Variants in ZDHHC7 observed in about 807,000 individuals in gnomAD.
ZDHHC7 encodes zDHHC palmitoyltransferase 7.
ZDHHC7 carries 12 observed loss-of-function variants against 34.1 expected under a neutral mutation model. The ratio of observed to expected loss-of-function variants is 0.35; its 90% CI spans 0.23 to 0.57. The LOEUF is 0.57. Among genes scored for constraint, ZDHHC7 ranks in the 20% least tolerant of loss-of-function variants. The pLI, the probability that ZDHHC7 is intolerant of heterozygous loss-of-function variation, is 0.84. For synonymous variants in ZDHHC7, 185 were observed against 155.4 expected, an observed-to-expected ratio of 1.19 and a Z score of -1.42; for missense variants, 388 against 402.7, an observed-to-expected ratio of 0.96 and a Z score of 0.31.
intron 6 of ZDHHC7, among the ~76,000 whole-genome samples, chr16:84,977,611 A>G (rs956067400): frequency 3.9e-5 from 6 of 152,188 alleles, no homozygotes; most frequent in Admixed American, 3.3e-4. Flanking sequence ...ACCTCACTGC[A>G]TATCTAAGGT....
Position 84,974,270 on chromosome 16 carries a change from A to C in ZDHHC7, c.*2073T>G, listed in dbSNP as rs1342533681. ...TCGAATTAAACATTCAACAAGCAACAGTACTCACTGGGCAACATTTGTGAG... is the reference window on the plus strand; with the variant it reads ...TCGAATTAAACATTCAACAAGCAACCGTACTCACTGGGCAACATTTGTGAG... On this transcript the variant is annotated 3_prime_UTR_variant, in exon 8 of 8. Coordinates refer to ENST00000313732, the MANE Select transcript of ZDHHC7 (RefSeq NM_017740.3). 1 of 152,252 alleles carries C rather than the reference A, an allele frequency of 6.6e-6. No homozygotes were observed. The highest frequency in any genetic ancestry group is 1.5e-5 in the Non-Finnish European group (1 of 68,050). The allele number at this position is 152,252 out of a possible 1,614,324, so 9.4% of individuals were successfully genotyped here. A position where few individuals can be genotyped will look rare whatever the true frequency, so the allele number is the denominator to read the frequency against.
chr16:85,010,437 T>C (rs1011709543), intron 1 of ZDHHC7, among the ~76,000 whole-genome samples: 3 of 152,196 alleles, frequency 2.0e-5, no homozygotes, highest in East Asian at 1.9e-4. Context: ...GAAATATTAA[T>C]ACACATTGAC....
At chr16:85,012,864 G>A (rs564362594), upstream of ZDHHC7, among the ~76,000 whole-genome samples, 22 of 152,156 alleles carry the variant, frequency 1.4e-4, no homozygotes, top group South Asian at 3.9e-3. Flanking sequence ...CCGAGATCGC[G>A]CCATTGCACT....
At chr16:85,015,592 TGCAATCCCA>T (rs1350783060), upstream of ZDHHC7, among the ~76,000 whole-genome samples, 1 of 152,162 alleles carries the variant, frequency 6.6e-6, no homozygotes, top group Non-Finnish European at 1.5e-5. Context: ...TGCTCACGCT[TGCAATCCCA>T]GCATACTGGG....
the ZDHHC7 span, among the ~76,000 whole-genome samples, chr16:85,023,927 T>A: frequency 2.0e-5 from 3 of 151,364 alleles, no homozygotes; most frequent in Non-Finnish European, 4.4e-5. Flanking sequence ...ATTCAAAGTA[T>A]TTTTTTTTGA....
chr16:85,005,438 G>A (rs1015844921), intron 1 of ZDHHC7, among the ~76,000 whole-genome samples: 15 of 152,128 alleles, frequency 9.9e-5, no homozygotes, highest in African/African-American at 2.2e-4. Flanking sequence ...ATTTACACAC[G>A]TGACCACCAC....
the ZDHHC7 span, among the ~76,000 whole-genome samples, chr16:85,019,886 C>T: frequency 2.0e-5 from 3 of 152,268 alleles, no homozygotes; most frequent in South Asian, 6.2e-4. Context: ...CAGGATGCCG[C>T]CCCAAATGTG....
At chr16:84,985,902 C>T (rs1388087595) in intron 3 of ZDHHC7, among the ~76,000 whole-genome samples, 1 of 135,588 alleles carries the variant, frequency 7.4e-6, no homozygotes, top group African/African-American at 2.8e-5. Context: ...TTTCAATGAG[C>T]TGAGATCCTG....
intron 1 of ZDHHC7, among the ~76,000 whole-genome samples, chr16:84,999,612 G>C (rs2072627540): frequency 6.6e-6 from 1 of 152,160 alleles, no homozygotes; most frequent in Non-Finnish European, 1.5e-5. Flanking sequence ...GCCAGACACG[G>C]AAGAATATAT....
the ZDHHC7 span, among the ~76,000 whole-genome samples, chr16:85,021,557 A>C: frequency 6.6e-6 from 1 of 152,034 alleles, no homozygotes; most frequent in African/African-American, 2.4e-5. Flanking sequence ...AAAGAAAAAC[A>C]AATACAAAAA....
chr16:85,020,499 C>G, the ZDHHC7 span, among the ~76,000 whole-genome samples: 1 of 152,104 alleles, frequency 6.6e-6, no homozygotes, highest in Non-Finnish European at 1.5e-5. Flanking sequence ...GTCTGGAGGT[C>G]ACATGCAGGG....
At chr16:85,020,070 C>G in the ZDHHC7 span, among the ~76,000 whole-genome samples, 1 of 152,368 alleles carries the variant, frequency 6.6e-6, no homozygotes, top group South Asian at 2.1e-4. Context: ...TATGAAAGCT[C>G]TGCCGTTTCG....
At chr16:85,024,562 A>G in the ZDHHC7 span, among the ~76,000 whole-genome samples, 3 of 152,210 alleles carry the variant, frequency 2.0e-5, no homozygotes. Context: ...TTAGCCATCC[A>G]ATAACTTTAC....
chr16:84,987,667 T>C (rs923074513), intron 3 of ZDHHC7, among the ~76,000 whole-genome samples: 6 of 152,126 alleles, frequency 3.9e-5, no homozygotes, highest in African/African-American at 1.2e-4. Context: ...AGCAGCATGA[T>C]TTGTAACAGC....
At chr16:84,988,814 G>C (rs2072471067) in intron 3 of ZDHHC7, 13 of 1,551,780 alleles carry the variant, frequency 8.4e-6, no homozygotes, top group Non-Finnish European at 1.0e-5. Flanking sequence ...TGCCCACAAG[G>C]GTTGGGTCCA....
chr16:85,025,794 TATATTTCCACC>T, the ZDHHC7 span, among the ~76,000 whole-genome samples: 2 of 152,236 alleles, frequency 1.3e-5, no homozygotes. Flanking sequence ...GGCCCAGATA[TATATTTCCACC>T]ATATTTCCTT....
intron 6 of ZDHHC7, 120 bp downstream of exon 6, chr16:84,977,804 G>C (rs891597901): frequency 1.3e-6 from 1 of 771,882 alleles, no homozygotes; most frequent in East Asian, 2.7e-5. Context: ...AAATTCAATT[G>C]CTAAAATAAT....
At chr16:85,005,110 A>T (rs1326924138) in intron 1 of ZDHHC7, 1 of 152,230 alleles carries the variant, frequency 6.6e-6, no homozygotes, top group Non-Finnish European at 1.5e-5. Flanking sequence ...CCAGCATGGT[A>T]ACTAAACCCT....
At chr16:84,979,802 T>C (rs2072342634) in intron 4 of ZDHHC7, among the ~76,000 whole-genome samples, 1 of 152,102 alleles carries the variant, frequency 6.6e-6, no homozygotes. Flanking sequence ...TATTTTACTT[T>C]TGCCCAAAAC....
Sources: allele counts gnomAD v4.1 joint callset (sites outside exome capture counted in the v4.1 genomes callset), GRCh38; gene constraint gnomAD v4.1.1; transcripts MANE v1.5; gene names NCBI Gene and HGNC (gene_info 2026-07-23, HGNC 2026-07-21).